FOXP1: variants seen among roughly 807,000 people sequenced by gnomAD.
FOXP1 encodes forkhead box protein P1.
FOXP1 carries 15 observed loss-of-function variants against 98.2 expected under a neutral mutation model. That is an observed-to-expected ratio of 0.15 (90% CI 0.10 to 0.24). FOXP1 has a LOEUF of 0.24. Ranked by LOEUF, FOXP1 falls within the 10% of genes least tolerant of loss-of-function variation. The pLI, the probability that FOXP1 is intolerant of heterozygous loss-of-function variation, is 1.00. For synonymous variants in FOXP1, 371 were observed against 314.5 expected, an observed-to-expected ratio of 1.18 and a Z score of -1.90; for missense variants, 633 against 848.5, an observed-to-expected ratio of 0.75 and a Z score of 3.15.
At chr3:71,228,823 T>C (rs1052222564) in intron 5 of FOXP1, among the ~76,000 whole-genome samples, 7 of 152,182 alleles carry the variant, frequency 4.6e-5, no homozygotes, top group African/African-American at 1.7e-4. Flanking sequence ...TAATATTCTT[T>C]ATGGTACAAA....
chr3:70,970,857 TTCCTAGC>T lies in FOXP1; in HGVS notation c.1653-59_1653-53del, dbSNP rs761303256. On this transcript the variant is annotated intron_variant, in intron 18 of 20. Transcript: ENST00000649528. ...AAGTTAAACACAGTCGACTGCTGAG[TTCCTAGC>T]TAAGTTTTGTTTTAAGCTTGCTGGT... is the stretch of plus-strand genomic sequence containing the variant. The T allele has an allele frequency of 1.8e-5, 25 of 1,396,778 alleles. No individual in the cohort carries two copies. In the South Asian group the frequency reaches 2.5e-4, roughly 14 times the overall value. 86.5% of individuals were successfully genotyped at this position (1,396,778 alleles called of 1,614,324 possible).
chr3:71,510,901 A>G (rs947578637), intron 2 of FOXP1, among the ~76,000 whole-genome samples: 3 of 152,248 alleles, frequency 2.0e-5, no homozygotes, highest in African/African-American at 7.2e-5. Context: ...ACCACGGCCT[A>G]TAATTTACAA....
chr3:71,494,386 T>C (rs1343539760), intron 2 of FOXP1, among the ~76,000 whole-genome samples: 1 of 152,224 alleles, frequency 6.6e-6, no homozygotes, highest in Non-Finnish European at 1.5e-5. Flanking sequence ...AAAAGAGATT[T>C]TTGGTTTTTG....
intron 5 of FOXP1, among the ~76,000 whole-genome samples, chr3:71,222,261 G>A (rs1426319639): frequency 2.0e-5 from 3 of 152,104 alleles, no homozygotes; most frequent in Non-Finnish European, 2.9e-5. Flanking sequence ...GGCGGTCCCT[G>A]GACACACCTG....
At chr3:71,560,951 G>A (rs2046486437) in intron 2 of FOXP1, among the ~76,000 whole-genome samples, 2 of 152,158 alleles carry the variant, frequency 1.3e-5, no homozygotes, top group Admixed American at 1.3e-4. Context: ...GTAATCATCA[G>A]CTAAAGGGTT....
chr3:70,998,800 C>T (rs1206267952), intron 13 of FOXP1, among the ~76,000 whole-genome samples: 1 of 152,208 alleles, frequency 6.6e-6, no homozygotes, highest in African/African-American at 2.4e-5. Flanking sequence ...AGGAAATAAA[C>T]ACTTAATTTA....
At chr3:71,421,700 A>G (rs1364990027) in intron 3 of FOXP1, among the ~76,000 whole-genome samples, 2 of 152,196 alleles carry the variant, frequency 1.3e-5, no homozygotes, top group African/African-American at 2.4e-5. Flanking sequence ...CTCCTGACCA[A>G]AGAAAGGCTG....
At chr3:71,118,722 G>GT (rs2058553099) in intron 6 of FOXP1, among the ~76,000 whole-genome samples, 1 of 152,120 alleles carries the variant, frequency 6.6e-6, no homozygotes, top group Admixed American at 6.5e-5. Flanking sequence ...TATAAGAATG[G>GT]TTTTTGCTTA....
chr3:70,959,738 T>C (rs2032801858), intron 20 of FOXP1, among the ~76,000 whole-genome samples: 3 of 152,106 alleles, frequency 2.0e-5, no homozygotes, highest in South Asian at 4.1e-4. Flanking sequence ...TGTGGGCCTC[T>C]CCTCCCTGGT....
intron 6 of FOXP1, among the ~76,000 whole-genome samples, chr3:71,132,928 T>A (rs1479256947): frequency 6.6e-6 from 1 of 152,118 alleles, no homozygotes; most frequent in Non-Finnish European, 1.5e-5. Flanking sequence ...ATGATTTTCC[T>A]TTGAACTGTA....
chr3:71,121,933 T>C (rs2107824656), intron 6 of FOXP1, among the ~76,000 whole-genome samples: 1 of 152,286 alleles, frequency 6.6e-6, no homozygotes, highest in East Asian at 1.9e-4. Context: ...ATTAACTCAC[T>C]GTATTTAACC....
At chr3:71,406,291 C>T (rs948441524) in intron 3 of FOXP1, among the ~76,000 whole-genome samples, 1 of 151,790 alleles carries the variant, frequency 6.6e-6, no homozygotes, top group South Asian at 2.1e-4. Flanking sequence ...AATCTGCTTC[C>T]TCACTATTTC....
chr3:71,267,124 A>AGAGAGAGTGTGTGTGTGTGT (rs142661368), intron 5 of FOXP1, among the ~76,000 whole-genome samples: 43 of 148,408 alleles, frequency 2.9e-4, no homozygotes, highest in Middle Eastern at 7.0e-3. Flanking sequence ...TATGGGAGAG[A>AGAGAGAGTGTGTGTGTGTGT]GTGTGTGTGT....
intron 2 of FOXP1, among the ~76,000 whole-genome samples, chr3:71,514,943 C>A (rs950516056): frequency 2.0e-5 from 3 of 152,130 alleles, no homozygotes; most frequent in African/African-American, 7.2e-5. Context: ...AAGATGCAAA[C>A]CTATTATTAA....
intron 5 of FOXP1, among the ~76,000 whole-genome samples, chr3:71,231,506 AAG>A (rs1402160597): frequency 1.3e-5 from 2 of 152,242 alleles, no homozygotes; most frequent in Admixed American, 1.3e-4. Context: ...TAAATGTCCA[AAG>A]AGGGGAAAAA....
chr3:70,987,930 G>A lies in FOXP1; in HGVS notation c.1146+64C>T, dbSNP rs928661811. 21 of 1,465,282 alleles carry A rather than the reference G, an allele frequency of 1.4e-5. No homozygotes were observed. In the African/African-American group the frequency reaches 1.7e-4, roughly 12 times the overall value. The allele number at this position is 1,465,282 out of a possible 1,614,324, so 90.8% of individuals were successfully genotyped here. Reference sequence around the variant, plus strand: ...TGGTCCTCCTTCCTCCATTTGGGGTGGGGAAGTAGAAAAGGAATACTGTGA... The same window carrying A: ...TGGTCCTCCTTCCTCCATTTGGGGTAGGGAAGTAGAAAAGGAATACTGTGA... On this transcript the variant is annotated intron_variant, in intron 14 of 20. Coordinates refer to ENST00000649528, the MANE Select transcript of FOXP1 (RefSeq NM_001349338.3).
chr3:71,190,570 T>C (rs1320835086), intron 6 of FOXP1, among the ~76,000 whole-genome samples: 3 of 141,486 alleles, frequency 2.1e-5, no homozygotes, highest in Admixed American at 1.5e-4. Flanking sequence ...CAGTAAGCCA[T>C]GTAAGCCATG....
At chr3:71,404,644 G>C (rs1454427473) in intron 3 of FOXP1, among the ~76,000 whole-genome samples, 1 of 151,112 alleles carries the variant, frequency 6.6e-6, no homozygotes, top group South Asian at 2.1e-4. Flanking sequence ...ACAATAATTT[G>C]CTTGGAATAT....
chr3:71,297,314 A>G (rs779725169), intron 5 of FOXP1, among the ~76,000 whole-genome samples: 7 of 152,120 alleles, frequency 4.6e-5, no homozygotes, highest in Non-Finnish European at 2.9e-5. Flanking sequence ...ACAAATTTCT[A>G]GAAACATTTC....
Sources: gnomAD v4.1 joint callset for allele counts (sites outside exome capture counted in the v4.1 genomes callset) on GRCh38, gnomAD v4.1.1 for gene constraint, MANE v1.5 for transcripts, NCBI Gene and HGNC (gene_info 2026-07-23, HGNC 2026-07-21) for gene names.